Variants in SLC24A2 observed in about 807,000 individuals in gnomAD.
SLC24A2 encodes solute carrier family 24 member 2, also known as sodium/potassium/calcium exchanger 2.
Under a neutral mutation model 62.0 loss-of-function variants are expected in SLC24A2, and 36 were observed. That is an observed-to-expected ratio of 0.58 (90% CI 0.44 to 0.77). The LOEUF is 0.77. SLC24A2 is among the 30% of genes least tolerant of loss of function. SLC24A2 has a pLI of 0.00. For missense variants in SLC24A2, 846 were observed against 817.9 expected (o/e 1.03, Z -0.42); for synonymous variants, 358 against 294.0 (o/e 1.22, Z -2.23).
At chr9:19,733,162 C>G (rs1004600939) in intron 2 of SLC24A2, among the ~76,000 whole-genome samples, 42 of 151,816 alleles carry the variant, frequency 2.8e-4, no homozygotes, top group Non-Finnish European at 4.6e-4. Flanking sequence ...GAACTACTGC[C>G]CTTTGGTGCC....
chr9:19,580,549 A>T (rs750483752), intron 5 of SLC24A2, among the ~76,000 whole-genome samples: 13 of 152,202 alleles, frequency 8.5e-5, no homozygotes, highest in Non-Finnish European at 1.9e-4. Flanking sequence ...TTTTGAAGTG[A>T]TCCTCTCTGC....
chr9:20,289,210 C>T, the SLC24A2 span, among the ~76,000 whole-genome samples: 1 of 152,162 alleles, frequency 6.6e-6, no homozygotes, highest in African/African-American at 2.4e-5. Context: ...AAACAGCATG[C>T]AAATGCTTAC....
the SLC24A2 span, among the ~76,000 whole-genome samples, chr9:20,229,290 G>A: frequency 1.3e-5 from 2 of 152,086 alleles, no homozygotes; most frequent in African/African-American, 2.4e-5. Context: ...TTGATCAAGT[G>A]CTTTGACCTG....
chr9:20,223,381 T>C, the SLC24A2 span, among the ~76,000 whole-genome samples: 1 of 152,144 alleles, frequency 6.6e-6, no homozygotes, highest in Admixed American at 6.6e-5. Flanking sequence ...TCTCAACACT[T>C]TGGGAGGCCA....
chr9:19,856,570 G>T, the SLC24A2 span, among the ~76,000 whole-genome samples: 1 of 152,104 alleles, frequency 6.6e-6, no homozygotes, highest in African/African-American at 2.4e-5. Flanking sequence ...TTTTCTGAGG[G>T]TCCACTCCAG....
chr9:19,873,238 C>T, the SLC24A2 span, among the ~76,000 whole-genome samples: 1 of 151,412 alleles, frequency 6.6e-6, no homozygotes, highest in South Asian at 2.1e-4. Context: ...CCTTCGTCTT[C>T]CTCCTCTTTC....
At chr9:19,801,647 T>A in the SLC24A2 span, among the ~76,000 whole-genome samples, 1 of 152,250 alleles carries the variant, frequency 6.6e-6, no homozygotes, top group Non-Finnish European at 1.5e-5. Context: ...GCTATTTCTT[T>A]ACCTTCTGTT....
the SLC24A2 span, among the ~76,000 whole-genome samples, chr9:20,087,460 T>C: frequency 3.3e-5 from 5 of 152,142 alleles, no homozygotes; most frequent in Non-Finnish European, 7.4e-5. Context: ...AGCCTCAAAA[T>C]TAGACTCACC....
the SLC24A2 span, among the ~76,000 whole-genome samples, chr9:20,117,467 G>A: frequency 2.0e-5 from 3 of 152,118 alleles, no homozygotes; most frequent in Non-Finnish European, 4.4e-5. Flanking sequence ...TGCCACGTTT[G>A]TATGTAATAA....
At chr9:19,606,776 C>T (rs571291759) in intron 4 of SLC24A2, among the ~76,000 whole-genome samples, 2 of 152,264 alleles carry the variant, frequency 1.3e-5, no homozygotes, top group South Asian at 2.1e-4. Flanking sequence ...CCTTTGAGCC[C>T]GGGGACAACC....
the SLC24A2 span, among the ~76,000 whole-genome samples, chr9:20,019,253 G>GAGAGAGAA: frequency 9.1e-6 from 1 of 109,640 alleles, no homozygotes; most frequent in Non-Finnish European, 1.9e-5. Context: ...AAGAAGGAAA[G>GAGAGAGAA]AGAAAGAAAG....
chr9:19,573,797 G>GAT (rs1835926577), intron 6 of SLC24A2, among the ~76,000 whole-genome samples: 1 of 152,104 alleles, frequency 6.6e-6, no homozygotes. Context: ...CAGCTCCCAT[G>GAT]ATATGCCTTT....
chr9:19,699,006 T>C (rs750369371), intron 2 of SLC24A2, among the ~76,000 whole-genome samples: 16 of 152,206 alleles, frequency 1.1e-4, no homozygotes, highest in Non-Finnish European at 1.9e-4. Context: ...AACAAATGTA[T>C]TGAAAACTTG....
chr9:20,127,296 T>A, the SLC24A2 span, among the ~76,000 whole-genome samples: 2 of 152,168 alleles, frequency 1.3e-5, no homozygotes, highest in Non-Finnish European at 2.9e-5. Context: ...TTCATCTTGC[T>A]GATTGATTTT....
chr9:20,203,154 T>C, the SLC24A2 span, among the ~76,000 whole-genome samples: 1 of 150,688 alleles, frequency 6.6e-6, no homozygotes, highest in Non-Finnish European at 1.5e-5. Context: ...TAGCATGTCA[T>C]GATTTTCTTT....
At chr9:19,829,452 T>C in the SLC24A2 span, among the ~76,000 whole-genome samples, 99 of 152,294 alleles carry the variant, frequency 6.5e-4, 2 homozygotes, top group East Asian at 0.015. Flanking sequence ...TTGAAAGGCA[T>C]TGACATGGTT....
chr9:19,525,232 C>G (rs946601362), intron 9 of SLC24A2, among the ~76,000 whole-genome samples: 3 of 151,936 alleles, frequency 2.0e-5, no homozygotes, highest in Non-Finnish European at 1.5e-5. Context: ...TATAAAATAT[C>G]ATGTAGAAAT....
At chr9:19,858,746 A>G in the SLC24A2 span, among the ~76,000 whole-genome samples, 2 of 152,202 alleles carry the variant, frequency 1.3e-5, no homozygotes, top group Non-Finnish European at 2.9e-5. Context: ...AAACCTATGA[A>G]AAATGGTCAA....
At chr9:19,573,283 T>C in intron 7 of SLC24A2, 68 bp downstream of exon 7, 1 of 1,048,940 alleles carries the variant, frequency 9.5e-7, no homozygotes, top group Non-Finnish European at 1.5e-6. Context: ...GAATATAGGG[T>C]CTGTGCTGCC....
Sources: allele counts gnomAD v4.1 joint callset (sites outside exome capture counted in the v4.1 genomes callset), GRCh38; gene constraint gnomAD v4.1.1; transcripts MANE v1.5; gene names NCBI Gene and HGNC (gene_info 2026-07-23, HGNC 2026-07-21).